SPMIP2: variants seen among roughly 807,000 people sequenced by gnomAD.
SPMIP2 encodes sperm microtubule inner protein 2.
the SPMIP2 span, among the ~76,000 whole-genome samples, chr4:158,914,490 C>G: frequency 7.9e-5 from 12 of 152,160 alleles, no homozygotes; most frequent in African/African-American, 2.9e-4. Flanking sequence ...TGGGCCTGAG[C>G]TATTCTATTC....
chr4:159,076,797 C>T, the SPMIP2 span, among the ~76,000 whole-genome samples: 3 of 151,578 alleles, frequency 2.0e-5, no homozygotes, highest in East Asian at 1.9e-4. Context: ...CCTCCAGAGT[C>T]GCTGGGATTA....
chr4:158,908,600 A>G, the SPMIP2 span, among the ~76,000 whole-genome samples: 1 of 152,214 alleles, frequency 6.6e-6, no homozygotes, highest in Non-Finnish European at 1.5e-5. Context: ...TATGGTACCC[A>G]TGGAATTTGA....
At chr4:159,079,402 A>G in the SPMIP2 span, among the ~76,000 whole-genome samples, 1 of 152,216 alleles carries the variant, frequency 6.6e-6, no homozygotes, top group African/African-American at 2.4e-5. Context: ...GATCCTCACC[A>G]GACACCGAAT....
the SPMIP2 span, among the ~76,000 whole-genome samples, chr4:158,947,190 C>T: frequency 8.8e-3 from 1,347 of 152,242 alleles, 8 homozygotes; most frequent in Non-Finnish European, 0.014. Context: ...ATGGAAATCC[C>T]TCCAACGTGC....
the SPMIP2 span, among the ~76,000 whole-genome samples, chr4:158,957,721 G>A: frequency 3.9e-5 from 6 of 151,992 alleles, no homozygotes; most frequent in South Asian, 2.1e-4. Flanking sequence ...CACTGTGCCC[G>A]TCCTCACCTA....
chr4:158,915,390 G>C, the SPMIP2 span: 4 of 1,558,842 alleles, frequency 2.6e-6, no homozygotes, highest in African/African-American at 4.1e-5. Flanking sequence ...TTCTGAAATG[G>C]AAAAGAGCTA....
chr4:158,978,205 C>A, the SPMIP2 span, among the ~76,000 whole-genome samples: 2 of 152,174 alleles, frequency 1.3e-5, no homozygotes, highest in Non-Finnish European at 2.9e-5. Flanking sequence ...GCAGGTTGTT[C>A]AGTTTCCAGG....
At chr4:158,968,427 T>G in the SPMIP2 span, among the ~76,000 whole-genome samples, 2 of 152,202 alleles carry the variant, frequency 1.3e-5, no homozygotes, top group African/African-American at 2.4e-5. Flanking sequence ...AAGAAAGGGA[T>G]GCATACCTTA....
At chr4:158,902,242 G>A in the SPMIP2 span, among the ~76,000 whole-genome samples, 1 of 152,094 alleles carries the variant, frequency 6.6e-6, no homozygotes, top group African/African-American at 2.4e-5. Flanking sequence ...TAACAGGCCT[G>A]TCTGCTGCAG....
At chr4:158,945,582 A>T in the SPMIP2 span, among the ~76,000 whole-genome samples, 1 of 152,176 alleles carries the variant, frequency 6.6e-6, no homozygotes, top group Non-Finnish European at 1.5e-5. Context: ...ATTTTAAAGC[A>T]CCCTTGCAAG....
chr4:158,900,576 T>C, the SPMIP2 span, among the ~76,000 whole-genome samples: 1 of 152,234 alleles, frequency 6.6e-6, no homozygotes, highest in African/African-American at 2.4e-5. Context: ...CATTGATCCC[T>C]TTACCATTAT....
the SPMIP2 span, among the ~76,000 whole-genome samples, chr4:158,968,064 C>T: frequency 6.6e-6 from 1 of 152,234 alleles, no homozygotes; most frequent in Admixed American, 6.5e-5. Context: ...AGGTCTCACT[C>T]TGTCACCCAG....
the SPMIP2 span, among the ~76,000 whole-genome samples, chr4:159,042,596 A>T: frequency 6.6e-6 from 1 of 152,222 alleles, no homozygotes; most frequent in Non-Finnish European, 1.5e-5. Flanking sequence ...ATTTTGGGTG[A>T]CAACTCTTTT....
chr4:159,039,715 GT>G, the SPMIP2 span, among the ~76,000 whole-genome samples: 2 of 152,198 alleles, frequency 1.3e-5, no homozygotes, highest in African/African-American at 4.8e-5. Flanking sequence ...AATCCCTATT[GT>G]TTATGAATCA....
At chr4:158,958,602 T>C in the SPMIP2 span, among the ~76,000 whole-genome samples, 5 of 152,200 alleles carry the variant, frequency 3.3e-5, no homozygotes, top group African/African-American at 1.2e-4. Context: ...GTGAATGCTA[T>C]TGACTGAAAA....
chr4:158,967,445 G>A, the SPMIP2 span, among the ~76,000 whole-genome samples: 2 of 152,124 alleles, frequency 1.3e-5, no homozygotes, highest in African/African-American at 4.8e-5. Flanking sequence ...ACCACAAACT[G>A]TTAGGATGCA....
chr4:159,040,935 G>A, the SPMIP2 span, among the ~76,000 whole-genome samples: 27 of 152,276 alleles, frequency 1.8e-4, no homozygotes, highest in African/African-American at 6.5e-4. Context: ...TGGGATAATG[G>A]ATGTAAAGTG....
the SPMIP2 span, chr4:159,026,300 A>G: frequency 5.1e-6 from 3 of 592,538 alleles, no homozygotes; most frequent in African/African-American, 3.8e-5. Context: ...AGCACTTAGA[A>G]AACAGCACAG....
the SPMIP2 span, among the ~76,000 whole-genome samples, chr4:159,022,557 G>T: frequency 6.6e-6 from 1 of 152,092 alleles, no homozygotes; most frequent in South Asian, 2.1e-4. Flanking sequence ...GTCTCCTGGT[G>T]TGCTTCTTTA....
Sources: gnomAD v4.1 joint callset for allele counts (sites outside exome capture counted in the v4.1 genomes callset) on GRCh38, gnomAD v4.1.1 for gene constraint, MANE v1.5 for transcripts, NCBI Gene and HGNC (gene_info 2026-07-23, HGNC 2026-07-21) for gene names.